NEDD4L: variants seen among roughly 807,000 people sequenced by gnomAD.
NEDD4L encodes E3 ubiquitin-protein ligase NEDD4-like.
A neutral mutation model predicts 148.9 loss-of-function variants in NEDD4L; 54 were observed. The observed-to-expected ratio is 0.36, with a 90% CI of 0.29 to 0.45. The LOEUF is 0.45. Among genes scored for constraint, NEDD4L ranks in the 20% least tolerant of loss-of-function variants. The pLI is 1.00. For synonymous variants in NEDD4L, 433 were observed against 440.7 expected (o/e 0.98, Z 0.22); for missense variants, 856 against 1,233.8 (o/e 0.69, Z 4.59).
At chr18:58,208,320 A>G (rs1462168091) in intron 2 of NEDD4L, among the ~76,000 whole-genome samples, 1 of 152,236 alleles carries the variant, frequency 6.6e-6, no homozygotes, top group Non-Finnish European at 1.5e-5. Flanking sequence ...ATAAATTATT[A>G]GCACTTCAGT....
At chr18:58,220,714 C>G (rs758166225) in intron 2 of NEDD4L, among the ~76,000 whole-genome samples, 1 of 152,120 alleles carries the variant, frequency 6.6e-6, no homozygotes, top group Admixed American at 6.5e-5. Flanking sequence ...CTATTAGAGC[C>G]GCATCTGCTG....
intron 2 of NEDD4L, among the ~76,000 whole-genome samples, chr18:58,189,470 T>C (rs1377312050): frequency 6.6e-6 from 1 of 152,236 alleles, no homozygotes; most frequent in Non-Finnish European, 1.5e-5. Context: ...ATTTAACCTG[T>C]ACAGCTAGAC....
At chr18:58,176,993 A>G (rs2038236323) in intron 2 of NEDD4L, among the ~76,000 whole-genome samples, 1 of 152,180 alleles carries the variant, frequency 6.6e-6, no homozygotes, top group Non-Finnish European at 1.5e-5. Context: ...CTGGGGTCGC[A>G]TTTTGACATA....
At chr18:58,312,960 G>A (rs988178424) in intron 5 of NEDD4L, among the ~76,000 whole-genome samples, 2 of 152,196 alleles carry the variant, frequency 1.3e-5, no homozygotes, top group African/African-American at 2.4e-5. Context: ...GATTACAGGC[G>A]TGAGCCACCG....
chr18:58,175,386 G>A (rs184357877), intron 2 of NEDD4L, among the ~76,000 whole-genome samples: 2 of 152,236 alleles, frequency 1.3e-5, no homozygotes, highest in Admixed American at 6.5e-5. Flanking sequence ...GGTACAGGCC[G>A]GCATTTGGAC....
intron 1 of NEDD4L, among the ~76,000 whole-genome samples, chr18:58,089,434 C>T (rs115780840): frequency 0.012 from 1,874 of 152,122 alleles, 40 homozygotes; most frequent in African/African-American, 0.043. Context: ...GATGCCTGGC[C>T]GTATTTCATA....
Position 58,312,938 on chromosome 18 carries a change from C to T in NEDD4L, c.298-3044C>T, listed in dbSNP as rs141057188. On this transcript the variant is annotated intron_variant, in intron 5 of 30. Transcript: ENST00000400345. ...CAAGTGATCTGCCCGCCTCAGCCTT[C>T]CAAAGTGCTTAGATTACAGGCGTGA... Among the ~76,000 whole-genome samples, 121 of 152,302 alleles carry T rather than the reference C, an allele frequency of 7.9e-4. 4 individuals carry two copies. The East Asian group carries it at 0.021, about 26-fold the overall frequency.
intron 28 of NEDD4L, among the ~76,000 whole-genome samples, chr18:58,389,801 G>T (rs541898947): frequency 6.7e-6 from 1 of 148,458 alleles, no homozygotes; most frequent in South Asian, 2.2e-4. Flanking sequence ...CCCCAAAAAG[G>T]AATCATTTAA....
At chr18:58,099,243 G>A (rs556130942) in intron 1 of NEDD4L, among the ~76,000 whole-genome samples, 7 of 151,714 alleles carry the variant, frequency 4.6e-5, no homozygotes, top group East Asian at 3.9e-4. Context: ...CAGTGGTGCC[G>A]TCGTAGCTCA....
intron 1 of NEDD4L, among the ~76,000 whole-genome samples, chr18:58,092,695 T>C (rs2084146928): frequency 6.6e-6 from 1 of 151,760 alleles, no homozygotes; most frequent in African/African-American, 2.4e-5. Flanking sequence ...TGTTCTGATC[T>C]AGAAGAGTTC....
intron 2 of NEDD4L, among the ~76,000 whole-genome samples, chr18:58,178,759 G>C (rs554012595): frequency 6.6e-6 from 1 of 152,302 alleles, no homozygotes; most frequent in South Asian, 2.1e-4. Flanking sequence ...ACACTTCAAG[G>C]GTTGTTCGCA....
At chr18:58,064,583 C>T (rs2082507455) in intron 1 of NEDD4L, among the ~76,000 whole-genome samples, 1 of 152,056 alleles carries the variant, frequency 6.6e-6, no homozygotes, top group East Asian at 1.9e-4. Context: ...GTACTATGTA[C>T]TAGAGCATGA....
At chr18:58,202,877 A>G (rs1024729477) in intron 2 of NEDD4L, among the ~76,000 whole-genome samples, 2 of 152,142 alleles carry the variant, frequency 1.3e-5, no homozygotes, top group African/African-American at 2.4e-5. Flanking sequence ...GTAAGTTACT[A>G]GTTCAATTTA....
At chr18:58,309,162 G>A (rs1020140609) in intron 5 of NEDD4L, among the ~76,000 whole-genome samples, 3 of 152,146 alleles carry the variant, frequency 2.0e-5, no homozygotes, top group Admixed American at 1.3e-4. Context: ...GGACCCTGAG[G>A]CCTGGCCTCA....
chr18:58,382,544 ATAG>A (rs2048477758), intron 24 of NEDD4L, among the ~76,000 whole-genome samples: 1 of 152,184 alleles, frequency 6.6e-6, no homozygotes, highest in African/African-American at 2.4e-5. Context: ...TTATTTTAAA[ATAG>A]TAGGCCTCTC....
chr18:58,216,343 G>A (rs1425496290), intron 2 of NEDD4L, among the ~76,000 whole-genome samples: 1 of 152,138 alleles, frequency 6.6e-6, no homozygotes, highest in Non-Finnish European at 1.5e-5. Context: ...TGTGGGTGCT[G>A]GGGAATTTGC....
intron 2 of NEDD4L, among the ~76,000 whole-genome samples, chr18:58,220,685 C>T (rs1423516728): frequency 6.6e-6 from 1 of 152,200 alleles, no homozygotes; most frequent in East Asian, 1.9e-4. Flanking sequence ...TAGCTGTTTG[C>T]TACAACTGGG....
intron 1 of NEDD4L, among the ~76,000 whole-genome samples, chr18:58,104,239 A>G (rs1439448591): frequency 6.6e-6 from 1 of 152,248 alleles, no homozygotes; most frequent in Non-Finnish European, 1.5e-5. Flanking sequence ...GGTTCTATTT[A>G]TATGAACGAT....
chr18:58,193,029 A>T (rs2040286395), intron 2 of NEDD4L, among the ~76,000 whole-genome samples: 1 of 152,208 alleles, frequency 6.6e-6, no homozygotes, highest in Non-Finnish European at 1.5e-5. Flanking sequence ...GCAGTTGCAA[A>T]GGTTTTTACA....
Sources: gnomAD v4.1 joint callset for allele counts (sites outside exome capture counted in the v4.1 genomes callset) on GRCh38, gnomAD v4.1.1 for gene constraint, MANE v1.5 for transcripts, NCBI Gene and HGNC (gene_info 2026-07-23, HGNC 2026-07-21) for gene names.